Variants in GRIA4 observed in about 807,000 individuals in gnomAD.
The protein encoded by GRIA4 is glutamate receptor 4.
Under a neutral mutation model 104.0 loss-of-function variants are expected in GRIA4, and 34 were observed. The ratio of observed to expected loss-of-function variants is 0.33; its 90% CI spans 0.25 to 0.44. The LOEUF is 0.44. Among genes scored for constraint, GRIA4 ranks in the 20% least tolerant of loss-of-function variants. The probability of loss-of-function intolerance (pLI) is 1.00; values close to 1 mark genes in which losing one functional copy is unlikely to be tolerated. For synonymous variants in GRIA4, 386 were observed against 381.9 expected, an observed-to-expected ratio of 1.01 and a Z score of -0.13; for missense variants, 750 against 1,096.5, an observed-to-expected ratio of 0.68 and a Z score of 4.46.
intron 4 of GRIA4, among the ~76,000 whole-genome samples, chr11:105,861,156 C>A (rs914277759): frequency 3.9e-5 from 6 of 152,032 alleles, no homozygotes; most frequent in Non-Finnish European, 8.8e-5. Context: ...GAAGACCATT[C>A]ATTTTATTCT....
intron 5 of GRIA4, among the ~76,000 whole-genome samples, chr11:105,883,443 C>A (rs143218144): frequency 4.6e-4 from 65 of 140,768 alleles, no homozygotes; most frequent in African/African-American, 1.6e-3. Context: ...CACCCCACGG[C>A]AGGCCCAGGT....
chr11:105,878,878 C>A (rs906768093), intron 5 of GRIA4, among the ~76,000 whole-genome samples: 2 of 152,154 alleles, frequency 1.3e-5, no homozygotes, highest in Non-Finnish European at 2.9e-5. Flanking sequence ...CTGGCTTCAG[C>A]CCCCCTTTCC....
intron 6 of GRIA4, among the ~76,000 whole-genome samples, chr11:105,889,587 T>C (rs552860309): frequency 7.6e-4 from 115 of 151,990 alleles, no homozygotes; most frequent in African/African-American, 2.3e-3. Flanking sequence ...AAATGAAAAA[T>C]TACATCAACA....
intron 14 of GRIA4, among the ~76,000 whole-genome samples, chr11:105,964,806 T>G (rs1259365226): frequency 5.1e-5 from 7 of 138,078 alleles, no homozygotes; most frequent in Middle Eastern, 3.3e-3. Flanking sequence ...TTTTTTTTTG[T>G]TTGTTTGTTT....
chr11:105,933,961 C>T lies in GRIA4; in HGVS notation c.2286C>T (p.Ser762=). 2 of 1,611,916 alleles carry T rather than the reference C, an allele frequency of 1.2e-6. No homozygotes were observed. Among genetic ancestry groups the T allele is most frequent in the Non-Finnish European group, 1.7e-6 (2 of 1,178,588 alleles). The change falls in exon 14 of 17, where the codon TCC becomes TCT. Residue 762 remains serine, a synonymous_variant. Transcript: ENST00000282499. ...ATGGAGTAGCAACGCCCAAGGGTTC[C>T]TCATTAAGGTGGGTGGAATAGTATA... ...KGYGVATPKG[S]SLRTPVNLAV...
intron 3 of GRIA4, among the ~76,000 whole-genome samples, chr11:105,725,978 G>C (rs1423467547): frequency 6.6e-6 from 1 of 152,170 alleles, no homozygotes; most frequent in Non-Finnish European, 1.5e-5. Flanking sequence ...TCTTTGGGCA[G>C]ACACTGAGCT....
At position 105,903,993 on chromosome 11, in the gene GRIA4, T is replaced by C. The variant is rs373863012; in HGVS notation, c.1053+12T>C. ...GGACACTCAAACAGGTAACTCACAATTTTATTTAAGTTCAATTCATTTCAT... is the reference window on the plus strand; with the variant it reads ...GGACACTCAAACAGGTAACTCACAACTTTATTTAAGTTCAATTCATTTCAT... On this transcript the variant is annotated intron_variant, in intron 8 of 16. Coordinates refer to ENST00000282499, the MANE Select transcript of GRIA4 (RefSeq NM_000829.4). 2,980 of 1,560,206 alleles carry C rather than the reference T, an allele frequency of 1.9e-3. 71 individuals carry two copies. In the South Asian group the frequency reaches 0.032, roughly 17 times the overall value.
rs187092104 is a variant in GRIA4, at chr11:105,831,502, C to A, written c.488-30522C>A. 2.0e-4 allele frequency among the ~76,000 whole-genome samples: 30 copies of A among 152,128 alleles called. No individual in the cohort carries two copies. In the East Asian group the frequency reaches 5.8e-3, roughly 30 times the overall value. On this transcript the variant is annotated intron_variant, in intron 4 of 16. Coordinates refer to ENST00000282499, the MANE Select transcript of GRIA4 (RefSeq NM_000829.4). ...TTGGAGATGCCTTACTAAATACACA[C>A]ACAACACTCATTTGTATGCAGTGTT...
intron 4 of GRIA4, among the ~76,000 whole-genome samples, chr11:105,771,753 C>A (rs1005158676): frequency 5.9e-5 from 9 of 151,894 alleles, no homozygotes; most frequent in African/African-American, 1.9e-4. Flanking sequence ...TTTAAATAAT[C>A]ATATTGGAAA....
chr11:105,638,685 G>A (rs1421427692), intron 3 of GRIA4, among the ~76,000 whole-genome samples: 4 of 151,832 alleles, frequency 2.6e-5, no homozygotes, highest in Non-Finnish European at 5.9e-5. Flanking sequence ...CTATTTCAAT[G>A]TCTCTTAATT....
chr11:105,634,783 T>A (rs1331584204), intron 3 of GRIA4, among the ~76,000 whole-genome samples: 1 of 152,214 alleles, frequency 6.6e-6, no homozygotes, highest in African/African-American at 2.4e-5. Flanking sequence ...GCCTGTATTA[T>A]TTTCTGGGTT....
rs1939776515 is a variant in GRIA4 at position 105,748,169 on chromosome 11, G to A, written c.248-4812G>A. Among the ~76,000 whole-genome samples the A allele has an allele frequency of 3.9e-5, 6 of 152,252 alleles. 1 individual carries two copies. The highest frequency in any genetic ancestry group is 2.6e-4 in the Admixed American group (4 of 15,292). ...CAGCATTGGCTGCGACAGTTTAACCGAGGGCATTTTTAAGATTATTTATTC... is the reference window on the plus strand; with the variant it reads ...CAGCATTGGCTGCGACAGTTTAACCAAGGGCATTTTTAAGATTATTTATTC... On this transcript the variant is annotated intron_variant, in intron 3 of 16. Transcript: ENST00000282499.
At chr11:105,694,153 A>AT (rs11317726) in intron 3 of GRIA4, among the ~76,000 whole-genome samples, 213 of 147,192 alleles carry the variant, frequency 1.4e-3, no homozygotes, top group African/African-American at 2.9e-3. Context: ...AAACAAGCTA[A>AT]TTTTTTTTTT....
intron 3 of GRIA4, among the ~76,000 whole-genome samples, chr11:105,688,140 ATATCTATATCTATATC>A (rs1262866021): frequency 1.4e-3 from 126 of 86,922 alleles, no homozygotes; most frequent in African/African-American, 4.3e-3. Flanking sequence ...ATCTATATCT[ATATCTATATCTATATC>A]TCTATCTATC....
chr11:105,867,434 C>T (rs553338760), intron 5 of GRIA4, among the ~76,000 whole-genome samples: 16 of 152,132 alleles, frequency 1.1e-4, no homozygotes, highest in Non-Finnish European at 2.1e-4. Flanking sequence ...TAGTAAAAGC[C>T]TATTTATCTA....
At chr11:105,946,982 T>C (rs1948330990) in intron 14 of GRIA4, among the ~76,000 whole-genome samples, 1 of 152,230 alleles carries the variant, frequency 6.6e-6, no homozygotes, top group Non-Finnish European at 1.5e-5. Context: ...GAGCATGTAA[T>C]GAAAGAAAAT....
chr11:105,795,847 T>C (rs1942457169), intron 4 of GRIA4, among the ~76,000 whole-genome samples: 1 of 152,168 alleles, frequency 6.6e-6, no homozygotes, highest in Admixed American at 6.6e-5. Flanking sequence ...ATAAACTTTA[T>C]AGCTGTTGCC....
chr11:105,734,393 G>A (rs1283096018), intron 3 of GRIA4, among the ~76,000 whole-genome samples: 1 of 151,996 alleles, frequency 6.6e-6, no homozygotes, highest in Non-Finnish European at 1.5e-5. Context: ...CACAGCCCTT[G>A]CATTCTAAGC....
At chr11:105,803,155 A>C (rs1942794263) in intron 4 of GRIA4, among the ~76,000 whole-genome samples, 1 of 151,970 alleles carries the variant, frequency 6.6e-6, no homozygotes, top group African/African-American at 2.4e-5. Context: ...GCTTGTATAA[A>C]AATCACTTAT....
Sources: allele counts gnomAD v4.1 joint callset (sites outside exome capture counted in the v4.1 genomes callset), GRCh38; gene constraint gnomAD v4.1.1; transcripts MANE v1.5; gene names NCBI Gene and HGNC (gene_info 2026-07-23, HGNC 2026-07-21).